SPAG16: variants seen among roughly 807,000 people sequenced by gnomAD.
SPAG16 encodes the protein sperm-associated antigen 16 protein.
In SPAG16, 86 loss-of-function variants were observed where a neutral mutation model predicts 80.4. The observed-to-expected ratio is 1.07, with a 90% CI of 0.90 to 1.28. The LOEUF (loss-of-function observed/expected upper bound fraction) is 1.28. Among genes scored for constraint, SPAG16 ranks in the 50% most tolerant of loss-of-function variants. SPAG16 has a pLI of 0.00. For missense variants in SPAG16, 870 were observed against 765.3 expected, an observed-to-expected ratio of 1.14 and a Z score of -1.61; for synonymous variants, 294 against 265.9, an observed-to-expected ratio of 1.11 and a Z score of -1.03.
rs5838428 is a variant in SPAG16, at chr2:214,326,944, C to CAAAAAAAAAA, written c.1721-83180_1721-83171dup. ...TGGGCGACAGAGTGAGACTAAGTCT[C>CAAAAAAAAAA]AAAAAAAAAAAAAAAAAAAAAAAAA... On this transcript the variant is annotated intron_variant, in intron 15 of 15. Coordinates refer to ENST00000331683, the MANE Select transcript of SPAG16 (RefSeq NM_024532.5). Among the ~76,000 whole-genome samples the CAAAAAAAAAA allele has an allele frequency of 2.0e-4, 13 of 64,464 alleles. 1 individual carries two copies. Among genetic ancestry groups the CAAAAAAAAAA allele is most frequent in the Non-Finnish European group, 2.9e-4 (11 of 38,078 alleles). The allele number at this position is 64,464 out of a possible 152,430, so 42.3% of individuals were successfully genotyped here. A position where few individuals can be genotyped will look rare whatever the true frequency, so the allele number is the denominator to read the frequency against.
intron 14 of SPAG16, among the ~76,000 whole-genome samples, chr2:214,146,244 C>T (rs1448422549): frequency 6.6e-6 from 1 of 152,160 alleles, no homozygotes; most frequent in Non-Finnish European, 1.5e-5. Flanking sequence ...TCTCCACATC[C>T]CTCAAAACTC....
At chr2:214,208,430 T>C (rs903771275) in intron 15 of SPAG16, among the ~76,000 whole-genome samples, 31 of 152,148 alleles carry the variant, frequency 2.0e-4, no homozygotes, top group Non-Finnish European at 5.9e-5. Flanking sequence ...ATACTGATAG[T>C]CCTTGGCATG....
chr2:213,534,430 T>C (rs1454328303), intron 10 of SPAG16, among the ~76,000 whole-genome samples: 1 of 152,128 alleles, frequency 6.6e-6, no homozygotes, highest in African/African-American at 2.4e-5. Context: ...AAAAGACTTA[T>C]ACAAAAATGT....
chr2:213,449,471 A>C (rs1325934961), intron 9 of SPAG16, among the ~76,000 whole-genome samples: 1 of 152,132 alleles, frequency 6.6e-6, no homozygotes, highest in African/African-American at 2.4e-5. Flanking sequence ...CTTAATAAAA[A>C]CTTGCTGGTC....
chr2:214,302,878 G>A (rs1350892969), intron 15 of SPAG16, among the ~76,000 whole-genome samples: 2 of 152,136 alleles, frequency 1.3e-5, no homozygotes, highest in African/African-American at 4.8e-5. Flanking sequence ...ATTATATAGT[G>A]TGCTTCTTTG....
chr2:214,020,753 T>TTTC (rs2047822653), intron 13 of SPAG16, among the ~76,000 whole-genome samples: 1 of 152,190 alleles, frequency 6.6e-6, no homozygotes, highest in Non-Finnish European at 1.5e-5. Context: ...TTTGTTAGGG[T>TTTC]TTCCTCTTGT....
chr2:213,514,492 GT>G (rs759114574), intron 10 of SPAG16, among the ~76,000 whole-genome samples: 1 of 151,702 alleles, frequency 6.6e-6, no homozygotes, highest in African/African-American at 2.4e-5. Context: ...TATACTTTAA[GT>G]TTTAGGGTAC....
intron 10 of SPAG16, among the ~76,000 whole-genome samples, chr2:213,606,200 G>T (rs2061254054): frequency 6.6e-6 from 1 of 152,120 alleles, no homozygotes; most frequent in South Asian, 2.1e-4. Flanking sequence ...CACAATTATG[G>T]TGAAAGGCAT....
chr2:213,551,072 C>T (rs1313249639), intron 10 of SPAG16, among the ~76,000 whole-genome samples: 2 of 152,072 alleles, frequency 1.3e-5, no homozygotes, highest in African/African-American at 4.8e-5. Flanking sequence ...ATTTGGAAAG[C>T]CCAACTCTTA....
At chr2:214,165,669 G>C (rs1288554347) in intron 15 of SPAG16, among the ~76,000 whole-genome samples, 1 of 131,554 alleles carries the variant, frequency 7.6e-6, no homozygotes, top group Non-Finnish European at 1.6e-5. Context: ...ATTAAACTTT[G>C]CTACTTATAA....
At chr2:213,418,054 G>A (rs1388608903) in intron 9 of SPAG16, among the ~76,000 whole-genome samples, 1 of 151,944 alleles carries the variant, frequency 6.6e-6, no homozygotes, top group East Asian at 1.9e-4. Context: ...TGTATTTTTA[G>A]TAGACACGAT....
At chr2:213,371,692 G>C (rs1327499303) in intron 8 of SPAG16, among the ~76,000 whole-genome samples, 1 of 90,188 alleles carries the variant, frequency 1.1e-5, no homozygotes, top group Non-Finnish European at 2.5e-5. Flanking sequence ...TCTAAACTTT[G>C]GGAAGAAGAC....
At chr2:213,841,819 A>T (rs2074377112) in intron 10 of SPAG16, among the ~76,000 whole-genome samples, 1 of 152,160 alleles carries the variant, frequency 6.6e-6, no homozygotes, top group African/African-American at 2.4e-5. Context: ...TAGTGGCACA[A>T]ATATTAATAT....
intron 15 of SPAG16, among the ~76,000 whole-genome samples, chr2:214,312,962 A>G (rs910945009): frequency 2.0e-5 from 3 of 152,128 alleles, no homozygotes; most frequent in African/African-American, 7.2e-5. Context: ...GGAAAATGGC[A>G]ACAACTCCTT....
chr2:214,251,277 G>GA (rs57878279), intron 15 of SPAG16, among the ~76,000 whole-genome samples: 28 of 146,254 alleles, frequency 1.9e-4, no homozygotes, highest in Middle Eastern at 3.4e-3. Context: ...GTTGCAGAAA[G>GA]AAAAAAAAAA....
chr2:213,454,688 CAG>C (rs969942934), intron 9 of SPAG16, among the ~76,000 whole-genome samples: 2 of 152,134 alleles, frequency 1.3e-5, no homozygotes, highest in Non-Finnish European at 2.9e-5. Flanking sequence ...TCTTATTAAC[CAG>C]AGTCTGCTCA....
chr2:213,705,819 T>A (rs896019387), intron 10 of SPAG16, among the ~76,000 whole-genome samples: 3 of 151,788 alleles, frequency 2.0e-5, no homozygotes. Flanking sequence ...TGTTGTTAAG[T>A]ATAAGAAGCA....
At chr2:213,817,132 G>A (rs1012077641) in intron 10 of SPAG16, among the ~76,000 whole-genome samples, 5 of 150,574 alleles carry the variant, frequency 3.3e-5, no homozygotes, top group Admixed American at 6.6e-5. Context: ...GTTATATAAT[G>A]TTCCAAAAAT....
chr2:214,162,259 A>G (rs1214086603), intron 15 of SPAG16, among the ~76,000 whole-genome samples: 2 of 152,182 alleles, frequency 1.3e-5, no homozygotes, highest in African/African-American at 4.8e-5. Flanking sequence ...GAGCAGGTCA[A>G]ATGAAAAACC....
Sources: allele counts gnomAD v4.1 joint callset (sites outside exome capture counted in the v4.1 genomes callset), GRCh38; gene constraint gnomAD v4.1.1; transcripts MANE v1.5; gene names NCBI Gene and HGNC (gene_info 2026-07-23, HGNC 2026-07-21).